The following GPC5 variants were observed in gnomAD, a reference collection of about 807,000 sequenced individuals.
GPC5 encodes glypican-5.
GPC5 carries 47 observed loss-of-function variants against 53.9 expected under a neutral mutation model. The observed-to-expected ratio is 0.87, with a 90% CI of 0.69 to 1.11. The LOEUF is 1.11. Ranked by LOEUF, GPC5 falls within the 50% of genes most tolerant of loss-of-function variation. The pLI, the probability that GPC5 is intolerant of heterozygous loss-of-function variation, is 0.00. For synonymous variants in GPC5, 286 were observed against 263.3 expected, an observed-to-expected ratio of 1.09 and a Z score of -0.84; for missense variants, 748 against 713.1, an observed-to-expected ratio of 1.05 and a Z score of -0.56.
intron 7 of GPC5, among the ~76,000 whole-genome samples, chr13:92,838,092 A>T (rs900985967): frequency 1.6e-4 from 24 of 151,886 alleles, no homozygotes; most frequent in Admixed American, 1.2e-3. Context: ...AAATAAAAAA[A>T]AAAAAATTAA....
At chr13:91,722,863 T>C (rs893190561) in intron 3 of GPC5, among the ~76,000 whole-genome samples, 2 of 152,178 alleles carry the variant, frequency 1.3e-5, no homozygotes, top group African/African-American at 4.8e-5. Flanking sequence ...ACCTTAACAT[T>C]ACTTTATTTG....
intron 7 of GPC5, among the ~76,000 whole-genome samples, chr13:92,302,612 A>C (rs774656005): frequency 3.3e-5 from 5 of 152,256 alleles, no homozygotes; most frequent in Non-Finnish European, 5.9e-5. Flanking sequence ...TTATCATGAT[A>C]TAATAACATC....
At chr13:91,949,213 C>T (rs531464886) in intron 6 of GPC5, among the ~76,000 whole-genome samples, 10 of 152,178 alleles carry the variant, frequency 6.6e-5, no homozygotes, top group South Asian at 6.2e-4. Context: ...AAGGTAAAAA[C>T]GAAGGACAGT....
intron 5 of GPC5, among the ~76,000 whole-genome samples, chr13:91,774,468 A>T (rs1029963734): frequency 6.6e-6 from 1 of 152,078 alleles, no homozygotes; most frequent in Non-Finnish European, 1.5e-5. Context: ...AGATTATAGC[A>T]CCTGTGATAG....
chr13:92,106,160 A>G (rs1486021392), intron 6 of GPC5, among the ~76,000 whole-genome samples: 1 of 151,974 alleles, frequency 6.6e-6, no homozygotes, highest in African/African-American at 2.4e-5. Context: ...CTATGTGTTT[A>G]AATTTAGAAG....
At chr13:92,096,453 G>A (rs1237215336) in intron 6 of GPC5, among the ~76,000 whole-genome samples, 1 of 152,116 alleles carries the variant, frequency 6.6e-6, no homozygotes, top group Non-Finnish European at 1.5e-5. Flanking sequence ...TCCCTCCCTG[G>A]AAGCTGTGTA....
intron 4 of GPC5, among the ~76,000 whole-genome samples, chr13:91,743,700 ATG>A (rs1377261028): frequency 6.6e-6 from 1 of 152,062 alleles, no homozygotes; most frequent in African/African-American, 2.4e-5. Flanking sequence ...TAGGTTACAC[ATG>A]TGATAGAGAG....
At chr13:92,197,939 G>A (rs148594235) in intron 7 of GPC5, among the ~76,000 whole-genome samples, 4,371 of 152,168 alleles carry the variant, frequency 0.029, 97 homozygotes, top group Middle Eastern at 0.065. Flanking sequence ...TTGCAGCCAT[G>A]TGGGCCTTCT....
At chr13:91,841,874 T>C (rs1388993983) in intron 5 of GPC5, among the ~76,000 whole-genome samples, 1 of 152,218 alleles carries the variant, frequency 6.6e-6, no homozygotes, top group Non-Finnish European at 1.5e-5. Context: ...TGTCAAGATG[T>C]ACTGTGTTTT....
At chr13:91,572,196 C>T (rs1566517532) in intron 2 of GPC5, among the ~76,000 whole-genome samples, 14 of 109,126 alleles carry the variant, frequency 1.3e-4, no homozygotes, top group South Asian at 6.5e-4. Context: ...TATACACACA[C>T]ATATGTATAT....
At chr13:92,038,373 T>G (rs1009180238) in intron 6 of GPC5, among the ~76,000 whole-genome samples, 1 of 134,304 alleles carries the variant, frequency 7.4e-6, no homozygotes, top group Non-Finnish European at 1.6e-5. Context: ...GATAGATAGA[T>G]AGATAGATAG....
At chr13:91,669,768 C>T (rs777109011) in intron 2 of GPC5, among the ~76,000 whole-genome samples, 1 of 152,140 alleles carries the variant, frequency 6.6e-6, no homozygotes, top group Non-Finnish European at 1.5e-5. Context: ...ACTAAAATTT[C>T]CCTTTAAGAC....
chr13:91,781,239 C>G (rs1189773086), intron 5 of GPC5, among the ~76,000 whole-genome samples: 1 of 152,110 alleles, frequency 6.6e-6, no homozygotes, highest in East Asian at 1.9e-4. Context: ...TATCCTGTTG[C>G]CATTTTGAAG....
At chr13:91,963,710 T>G (rs755768116) in intron 6 of GPC5, among the ~76,000 whole-genome samples, 1 of 152,032 alleles carries the variant, frequency 6.6e-6, no homozygotes, top group Non-Finnish European at 1.5e-5. Flanking sequence ...AGGTGGGAAG[T>G]AATGGCAGTG....
intron 2 of GPC5, among the ~76,000 whole-genome samples, chr13:91,470,722 A>G (rs538019938): frequency 6.6e-6 from 1 of 152,270 alleles, no homozygotes; most frequent in East Asian, 1.9e-4. Flanking sequence ...GTCTGAAGTA[A>G]TTAATATAAC....
chr13:92,570,163 G>T lies in GPC5; in HGVS notation c.1562-296119G>T, dbSNP rs530863216. On this transcript the variant is annotated intron_variant, in intron 7 of 7. Coordinates refer to ENST00000377067, the MANE Select transcript of GPC5 (RefSeq NM_004466.6). ...CAATCATAAAAGAAGAGCAAAATCA[G>T]AGTCAGCTGTAAAATTGAAAGGAAA... Among the ~76,000 whole-genome samples, 6 of 152,234 alleles carry T rather than the reference G, an allele frequency of 3.9e-5. No individual in the cohort carries two copies. The East Asian group carries it at 9.7e-4, about 25-fold the overall frequency.
chr13:91,875,403 A>C (rs1323605917), intron 5 of GPC5, among the ~76,000 whole-genome samples: 2 of 152,162 alleles, frequency 1.3e-5, no homozygotes, highest in Non-Finnish European at 2.9e-5. Flanking sequence ...AAGATGATAT[A>C]TTTTTGTTTT....
At chr13:92,209,395 C>A (rs2042359083) in intron 7 of GPC5, among the ~76,000 whole-genome samples, 1 of 152,016 alleles carries the variant, frequency 6.6e-6, no homozygotes, top group African/African-American at 2.4e-5. Context: ...TTATTTAAAC[C>A]ATTGGGGTTA....
At chr13:92,623,114 T>C (rs1408097927) in intron 7 of GPC5, among the ~76,000 whole-genome samples, 3 of 151,288 alleles carry the variant, frequency 2.0e-5, no homozygotes, top group African/African-American at 7.3e-5. Flanking sequence ...TGCAGTGAGC[T>C]GAGATTGCAC....
Sources: gnomAD v4.1 joint callset for allele counts (sites outside exome capture counted in the v4.1 genomes callset) on GRCh38, gnomAD v4.1.1 for gene constraint, MANE v1.5 for transcripts, NCBI Gene and HGNC (gene_info 2026-07-23, HGNC 2026-07-21) for gene names.